EBF3: variants seen among roughly 807,000 people sequenced by gnomAD.
EBF3 encodes the protein EBF transcription factor 3.
Under a neutral mutation model 77.1 loss-of-function variants are expected in EBF3, and 18 were observed. That is an observed-to-expected ratio of 0.23 (90% CI 0.16 to 0.35). The LOEUF (loss-of-function observed/expected upper bound fraction) is 0.35. EBF3 is among the 10% of genes least tolerant of loss of function. EBF3 has a pLI of 1.00. For missense variants in EBF3, 558 were observed against 860.0 expected (o/e 0.65, Z 4.39); for synonymous variants, 350 against 343.5 (o/e 1.02, Z -0.21).
chr10:129,923,003 C>G (rs1180011891), intron 6 of EBF3, among the ~76,000 whole-genome samples: 1 of 152,230 alleles, frequency 6.6e-6, no homozygotes, highest in Non-Finnish European at 1.5e-5. Flanking sequence ...TGCCCCTCTC[C>G]GGGTCTCGGC....
At chr10:129,914,447 C>T (rs1350029773) in intron 6 of EBF3, among the ~76,000 whole-genome samples, 1 of 152,080 alleles carries the variant, frequency 6.6e-6, no homozygotes, top group Admixed American at 6.5e-5. Context: ...TCGAAAATAC[C>T]GTTGGCCACT....
chr10:129,884,151 C>T (rs1461667935), intron 6 of EBF3, among the ~76,000 whole-genome samples: 2 of 152,170 alleles, frequency 1.3e-5, no homozygotes, highest in Non-Finnish European at 2.9e-5. Context: ...TGGGAAGTCC[C>T]TGAAAGCAGT....
At position 129,870,496 on chromosome 10, in the gene EBF3, T is replaced by C. The variant is rs1283366257; in HGVS notation, c.782-2584A>G. On this transcript the variant is annotated intron_variant, in intron 8 of 16. Coordinates refer to ENST00000440978, the MANE Select transcript of EBF3 (RefSeq NM_001375380.1). The surrounding 1 kb of genome is among the most constrained non-coding windows in gnomAD (Gnocchi z 4.4). ...CAGCTTTCAGCGTGGCCCACCCTCC[T>C]GGGGCCCCGAGCTGCCAGGGTCCAG... Among the ~76,000 whole-genome samples, 2 of 152,050 alleles carry C rather than the reference T, an allele frequency of 1.3e-5. No homozygotes were observed. Among genetic ancestry groups the C allele is most frequent in the African/African-American group, 4.8e-5 (2 of 41,414 alleles).
chr10:129,847,369 G>A (rs932996905), intron 11 of EBF3, among the ~76,000 whole-genome samples: 8 of 152,286 alleles, frequency 5.3e-5, no homozygotes, highest in Middle Eastern at 3.4e-3. Context: ...GGAAACACTC[G>A]TTCTGCCTGG....
chr10:129,857,206 A>C (rs1203124145), intron 10 of EBF3, among the ~76,000 whole-genome samples: 1 of 152,248 alleles, frequency 6.6e-6, no homozygotes, highest in African/African-American at 2.4e-5. Flanking sequence ...CACCAAGATT[A>C]ATGTAAACAC....
chr10:129,917,679 A>AAAAAAAAAAAAAAC (rs1564887155), intron 6 of EBF3, among the ~76,000 whole-genome samples: 5 of 141,978 alleles, frequency 3.5e-5, no homozygotes, highest in Non-Finnish European at 6.2e-5. Flanking sequence ...AAAAAAAAAA[A>AAAAAAAAAAAAAAC]CTAAAACCAA....
chr10:129,948,468 G>A (rs968459733), intron 6 of EBF3, among the ~76,000 whole-genome samples: 8 of 152,224 alleles, frequency 5.3e-5, no homozygotes, highest in Non-Finnish European at 1.0e-4. Flanking sequence ...TGGCAGGTAC[G>A]TGCCACGATG....
rs1336446691 is a variant in EBF3 at position 129,964,031 on chromosome 10, G to C, written c.-263C>G. The C allele has an allele frequency of 1.0e-6, 1 of 985,088 alleles. No individual in the cohort carries two copies. Among genetic ancestry groups the C allele is most frequent in the Non-Finnish European group, 1.2e-6 (1 of 829,852 alleles). 61.0% of individuals were successfully genotyped at this position (985,088 alleles called of 1,614,324 possible). A position where few individuals can be genotyped will look rare whatever the true frequency, so the allele number is the denominator to read the frequency against. ...AGCAGGACGCGGTGGCCGCGGCGGC[G>C]CTTGTTGTTGTTGTTGTTTGCAGGC... On this transcript the variant is annotated 5_prime_UTR_variant, in exon 1 of 17. Transcript: ENST00000440978. The surrounding 1 kb of genome is among the most constrained non-coding windows in gnomAD (Gnocchi z 4.5).
chr10:129,924,664 G>A (rs1352139151), intron 6 of EBF3, among the ~76,000 whole-genome samples: 1 of 152,138 alleles, frequency 6.6e-6, no homozygotes, highest in Non-Finnish European at 1.5e-5. Context: ...AGAGGTATCT[G>A]TGTTTCTTTC....
chr10:129,840,281 G>A lies in EBF3; in HGVS notation c.1723C>T (p.Pro575Ser), dbSNP rs764680863. ...PVVRPQASPP[P>S]SCTSANGNGL... ...TTCCCGTTGGCGCTGGTGCAGGAAGGAGGAGGAGAGGCTTGGGGCCGGACC... is the reference window on the plus strand; with the variant it reads ...TTCCCGTTGGCGCTGGTGCAGGAAGAAGGAGGAGAGGCTTGGGGCCGGACC... The change falls in exon 15 of 17, where the codon CCT becomes TCT. Residue 575 changes from proline (P) to serine (S), a missense_variant. Coordinates refer to ENST00000440978, the MANE Select transcript of EBF3 (RefSeq NM_001375380.1). The A allele has an allele frequency of 9.4e-6, 15 of 1,593,436 alleles. No homozygotes were observed. In the South Asian group the frequency reaches 1.6e-4, roughly 17 times the overall value.
Position 129,938,767 on chromosome 10 carries a change from T to C in EBF3, c.554+18491A>G, listed in dbSNP as rs551504188. Among the ~76,000 whole-genome samples, 9 of 152,106 alleles carry C rather than the reference T, an allele frequency of 5.9e-5. No individual in the cohort carries two copies. Among genetic ancestry groups the C allele is most frequent in the South Asian group, 2.1e-4 (1 of 4,818 alleles). On this transcript the variant is annotated intron_variant, in intron 6 of 16. Coordinates refer to ENST00000440978, the MANE Select transcript of EBF3 (RefSeq NM_001375380.1). The surrounding 1 kb of genome is among the most constrained non-coding windows in gnomAD (Gnocchi z 5.1). ...AAGCAAGTCAAGGCCATTGAGTCAA[T>C]AGGGGCAAGATGTTACATGGGGGTC... is the stretch of plus-strand genomic sequence containing the variant.
chr10:129,872,812 G>T (rs771013388), intron 8 of EBF3, among the ~76,000 whole-genome samples: 1 of 152,338 alleles, frequency 6.6e-6, no homozygotes, highest in Non-Finnish European at 1.5e-5. Flanking sequence ...GGCCCACTGT[G>T]TCTGAGTCTT....
Position 129,870,632 on chromosome 10 carries a change from A to ACACC in EBF3, c.782-2724_782-2721dup, listed in dbSNP as rs1298149310. Among the ~76,000 whole-genome samples, 1 of 151,982 alleles carries ACACC rather than the reference A, an allele frequency of 6.6e-6. No homozygotes were observed. Among genetic ancestry groups the ACACC allele is most frequent in the Non-Finnish European group, 1.5e-5 (1 of 67,992 alleles). On this transcript the variant is annotated intron_variant, in intron 8 of 16. Transcript: ENST00000440978. This position sits in a 1 kb window ranked among gnomAD's most constrained non-coding sequence, Gnocchi z 4.4. ...TTGGGAGAAGAGGCGCTCACAAGGAACACCCTCTGCCCATCGTGACCCCCG... is the reference window on the plus strand; with the variant it reads ...TTGGGAGAAGAGGCGCTCACAAGGAACACCCACCCTCTGCCCATCGTGACCCCCG...
rs796167042 is a variant in EBF3 at position 129,883,980 on chromosome 10, C to T, written c.555-6131G>A. Reference sequence around the variant, plus strand: ...CGAAGGAGAACACAAGAGTGGGGCACGTGATCCGAGGCCCTCATGGGGGCC... The same window carrying T: ...CGAAGGAGAACACAAGAGTGGGGCATGTGATCCGAGGCCCTCATGGGGGCC... On this transcript the variant is annotated intron_variant, in intron 6 of 16. Coordinates refer to ENST00000440978, the MANE Select transcript of EBF3 (RefSeq NM_001375380.1). 4.6e-5 allele frequency among the ~76,000 whole-genome samples: 7 copies of T among 152,344 alleles called. No homozygotes were observed. The South Asian group carries it at 6.2e-4, about 14-fold the overall frequency.
rs1364673652 is a variant in EBF3, at chr10:129,947,651, T to C, written c.554+9607A>G. On this transcript the variant is annotated intron_variant, in intron 6 of 16. Coordinates refer to ENST00000440978, the MANE Select transcript of EBF3 (RefSeq NM_001375380.1). This position sits in a 1 kb window ranked among gnomAD's most constrained non-coding sequence, Gnocchi z 4.5. ...TTCTGAATATAAAGTTAAAATGTTT[T>C]CATTTCTTTCTTTGCAAAGGAACCA... is the stretch of plus-strand genomic sequence containing the variant. Among the ~76,000 whole-genome samples, 3 of 151,802 alleles carry C rather than the reference T, an allele frequency of 2.0e-5. No homozygotes were observed. Among genetic ancestry groups the C allele is most frequent in the Non-Finnish European group, 4.4e-5 (3 of 67,996 alleles).
At chr10:129,914,555 G>C (rs533269634) in intron 6 of EBF3, among the ~76,000 whole-genome samples, 8 of 152,304 alleles carry the variant, frequency 5.3e-5, no homozygotes, top group African/African-American at 7.2e-5. Flanking sequence ...GGGCATGCAG[G>C]GCTTGGAACG....
At position 129,837,831 on chromosome 10, in the gene EBF3, G is replaced by T; in HGVS notation, c.*112C>A. On this transcript the variant is annotated 3_prime_UTR_variant, in exon 17 of 17. Transcript: ENST00000440978. The stretch of plus-strand genomic sequence containing the variant: ...CATTTCAATTGCTGCTGATTTTTTT[G>T]AAGATACTGTTTCCATCAGCATGTC... The T allele has an allele frequency of 1.4e-6, 2 of 1,401,748 alleles. No homozygotes were observed. Among genetic ancestry groups the T allele is most frequent in the Non-Finnish European group, 2.0e-6 (2 of 1,009,526 alleles). The allele number at this position is 1,401,748 out of a possible 1,614,324, so 86.8% of individuals were successfully genotyped here.
intron 8 of EBF3, among the ~76,000 whole-genome samples, chr10:129,869,992 C>A (rs200776543): frequency 2.0e-5 from 3 of 149,002 alleles, no homozygotes; most frequent in South Asian, 2.1e-4. Flanking sequence ...AAATAATTCA[C>A]AAAAAAAAAA....
At chr10:129,891,735 C>CAA (rs1319895705) in intron 6 of EBF3, among the ~76,000 whole-genome samples, 2 of 152,210 alleles carry the variant, frequency 1.3e-5, no homozygotes, top group African/African-American at 4.8e-5. Flanking sequence ...CCATGTATTA[C>CAA]AAGCACAACA....
Sources: allele counts gnomAD v4.1 joint callset (sites outside exome capture counted in the v4.1 genomes callset), GRCh38; gene constraint gnomAD v4.1.1; non-coding constraint Gnocchi (gnomAD v3.1); transcripts MANE v1.5; gene names NCBI Gene and HGNC (gene_info 2026-07-23, HGNC 2026-07-21).